The following PLA2G6 variants were observed in gnomAD, a reference collection of about 807,000 sequenced individuals.
PLA2G6 encodes 85/88 kDa calcium-independent phospholipase A2.
In PLA2G6, 62 loss-of-function variants were observed where a neutral mutation model predicts 83.8. That is an observed-to-expected ratio of 0.74 (90% CI 0.60 to 0.91). The LOEUF (loss-of-function observed/expected upper bound fraction) is 0.91. Ranked by LOEUF, PLA2G6 falls within the 40% of genes least tolerant of loss-of-function variation. The probability of loss-of-function intolerance (pLI) is 0.00; values close to 1 mark genes in which losing one functional copy is unlikely to be tolerated. For synonymous variants in PLA2G6, 417 were observed against 449.8 expected, an observed-to-expected ratio of 0.93 and a Z score of 0.92; for missense variants, 944 against 1,102.0, an observed-to-expected ratio of 0.86 and a Z score of 2.03.
Position 38,123,495 on chromosome 22 carries a change from G to T in PLA2G6, c.1428-237C>A, listed in dbSNP as rs145670543. 2.9e-3 allele frequency among the ~76,000 whole-genome samples: 447 copies of T among 152,298 alleles called. 2 individuals carry two copies. The highest frequency in any genetic ancestry group is 3.2e-3 in the Non-Finnish European group (220 of 68,026). ...AGAGAAAGGGAAAGGAAGGTCGGGG[G>T]ATAGCATCACTGACCAGGCGCCATC... On this transcript the variant is annotated intron_variant, in intron 10 of 16. Coordinates refer to ENST00000332509, the MANE Select transcript of PLA2G6 (RefSeq NM_003560.4). This position sits in a 1 kb window ranked among gnomAD's most constrained non-coding sequence, Gnocchi z 4.1.
chr22:38,115,589 TG>T lies in PLA2G6; in HGVS notation c.1971del (p.Asn658ThrfsTer8). The T allele has an allele frequency of 2.5e-6, 4 of 1,613,416 alleles. No individual in the cohort carries two copies. The highest frequency in any genetic ancestry group is 2.2e-5 in the East Asian group (1 of 44,874). On this transcript the variant is annotated frameshift_variant, in exon 14 of 17. Transcript: ENST00000332509. LOFTEE classifies it high-confidence loss of function. ...GTCATGGCATCCAGCGTGGGGTTGT[TG>T]GCCAGCAGCCCACCGTCCAGGAAGC... ...NGRFLDGGLL[A>X]NNPTLDAMTE... is the part of the protein sequence containing the mutation.
rs896090857 is a variant in PLA2G6 at position 38,128,057 on chromosome 22, G to A, written c.1348+212C>T. The A allele has an allele frequency of 1.0e-5, 6 of 594,870 alleles. No homozygotes were observed. Among genetic ancestry groups the A allele is most frequent in the South Asian group, 2.0e-5 (1 of 50,590 alleles). The allele number at this position is 594,870 out of a possible 1,614,324, so 36.8% of individuals were successfully genotyped here. A position where few individuals can be genotyped will look rare whatever the true frequency, so the allele number is the denominator to read the frequency against. On this transcript the variant is annotated intron_variant, in intron 9 of 16. Transcript: ENST00000332509. This position sits in a 1 kb window ranked among gnomAD's most constrained non-coding sequence, Gnocchi z 4.4. ...TGTGTGCAGGACACATCCTCTCAGG[G>A]GCAACGGAGCATGGGACATCAGCCA...
At chr22:38,180,637 G>T (rs980523141) in intron 1 of PLA2G6, among the ~76,000 whole-genome samples, 7 of 152,110 alleles carry the variant, frequency 4.6e-5, no homozygotes, top group African/African-American at 1.7e-4. Flanking sequence ...TCTCATTCTA[G>T]CCCTTTCCCT....
In PLA2G6 at chr22:38,162,275, T is replaced by C. The variant is rs146286156; in HGVS notation, c.209+6943A>G. On this transcript the variant is annotated intron_variant, in intron 2 of 16. Transcript: ENST00000332509. ...CAGTCAGCAAAAAGGTATGTTCCCC[T>C]AGCCATGGTGGAGAACTGAAACCAA... 1.2e-4 allele frequency among the ~76,000 whole-genome samples: 18 copies of C among 147,622 alleles called. No individual in the cohort carries two copies. The East Asian group carries it at 3.6e-3, about 29-fold the overall frequency.
chr22:38,148,469 C>T, intron 2 of PLA2G6: 2 of 715,900 alleles, frequency 2.8e-6, no homozygotes, highest in Non-Finnish European at 5.2e-6. Flanking sequence ...GCACTGGATA[C>T]CTCAAAAGAC....
chr22:38,158,060 G>A (rs1354461547), intron 2 of PLA2G6, among the ~76,000 whole-genome samples: 1 of 151,630 alleles, frequency 6.6e-6, no homozygotes, highest in Non-Finnish European at 1.5e-5. Context: ...AAATAGGAAG[G>A]CTAGTCTGAT....
chr22:38,142,166 G>A (rs2088949512), intron 4 of PLA2G6: 1 of 119,648 alleles, frequency 8.4e-6, no homozygotes, highest in Non-Finnish European at 1.6e-5. Context: ...CTGCACTCTA[G>A]CCTGGGAGAC....
At chr22:38,120,633 C>T (rs2087468903) in intron 12 of PLA2G6, 126 bp downstream of exon 12, 5 of 1,158,336 alleles carry the variant, frequency 4.3e-6, no homozygotes, top group Non-Finnish European at 5.1e-6. Context: ...GAAGGGGGTT[C>T]CCTCTGCTCC....
At chr22:38,113,744 C>G in intron 14 of PLA2G6, 90 bp from the exon 15 acceptor site, 1 of 1,177,940 alleles carries the variant, frequency 8.5e-7, no homozygotes, top group East Asian at 2.3e-5. Flanking sequence ...CAAGACTGGG[C>G]TCTGGGGCAC....
intron 2 of PLA2G6, among the ~76,000 whole-genome samples, chr22:38,168,838 A>C (rs1364687608): frequency 6.6e-6 from 1 of 152,210 alleles, no homozygotes; most frequent in African/African-American, 2.4e-5. Context: ...CAACAGAGCA[A>C]GACTGTCTCA....
At chr22:38,154,160 G>T (rs1474779160) in intron 2 of PLA2G6, among the ~76,000 whole-genome samples, 1 of 152,222 alleles carries the variant, frequency 6.6e-6, no homozygotes, top group South Asian at 2.1e-4. Context: ...TTCCCAGGAT[G>T]GGGGTAGGGG....
chr22:38,123,389 G>T lies in PLA2G6; in HGVS notation c.1428-131C>A. Reference sequence around the variant, plus strand: ...ACCCAGACGGACCCGAGGAACTTCTGTCCTATGCAGGACAGCGAGGGTGGG... The same window carrying T: ...ACCCAGACGGACCCGAGGAACTTCTTTCCTATGCAGGACAGCGAGGGTGGG... On this transcript the variant is annotated intron_variant, in intron 10 of 16. Coordinates refer to ENST00000332509, the MANE Select transcript of PLA2G6 (RefSeq NM_003560.4). This position sits in a 1 kb window ranked among gnomAD's most constrained non-coding sequence, Gnocchi z 4.1. 2.2e-6 allele frequency: 2 copies of T among 918,766 alleles called. No homozygotes were observed. Among genetic ancestry groups the T allele is most frequent in the Non-Finnish European group, 3.4e-6 (2 of 582,802 alleles). 56.9% of individuals were successfully genotyped at this position (918,766 alleles called of 1,614,324 possible).
In PLA2G6 at chr22:38,126,446, AG is replaced by A. The variant is rs587784329; in HGVS notation, c.1351del (p.Leu451TyrfsTer20). The A allele has an allele frequency of 8.7e-6, 14 of 1,612,592 alleles. No individual in the cohort carries two copies. In the Admixed American group the frequency reaches 1.3e-4, roughly 15 times the overall value. Reference protein sequence around the residue: ...PPPISLNNLELQDLMHISRAR... With the variant: ...PPPISLNNLEXQDLMHISRAR... ...CCGTGAGATGTGCATGAGATCCTGTAGTTCTGTGAGGCACAGAGCAGGGCAT... is the reference window on the plus strand; with the variant it reads ...CCGTGAGATGTGCATGAGATCCTGTATTCTGTGAGGCACAGAGCAGGGCAT... On this transcript the variant is annotated frameshift_variant and splice_region_variant, in exon 10 of 17. Coordinates refer to ENST00000332509, the MANE Select transcript of PLA2G6 (RefSeq NM_003560.4). LOFTEE classifies it high-confidence loss of function.
intron 8 of PLA2G6, 96 bp downstream of exon 8, chr22:38,129,358 G>A: frequency 1.1e-6 from 1 of 871,200 alleles, no homozygotes; most frequent in Non-Finnish European, 1.9e-6. Context: ...GTCAGCACAG[G>A]ATGCTGGCAC....
At chr22:38,163,072 G>T (rs73172642) in intron 2 of PLA2G6, among the ~76,000 whole-genome samples, 1 of 152,010 alleles carries the variant, frequency 6.6e-6, no homozygotes, top group Admixed American at 6.6e-5. Flanking sequence ...CTTGAAAGTG[G>T]CTGTGTGAGC....
intron 10 of PLA2G6, among the ~76,000 whole-genome samples, chr22:38,125,196 ATG>A (rs1224709889): frequency 5.9e-5 from 9 of 151,802 alleles, no homozygotes; most frequent in South Asian, 2.1e-4. Flanking sequence ...GCGCATGTGT[ATG>A]TGTGTGCATG....
intron 10 of PLA2G6, among the ~76,000 whole-genome samples, chr22:38,124,998 T>C (rs1201677854): frequency 6.6e-6 from 1 of 152,152 alleles, no homozygotes; most frequent in Admixed American, 6.5e-5. Flanking sequence ...TCAGCCCCGC[T>C]CCAGGCAGGG....
intron 2 of PLA2G6, among the ~76,000 whole-genome samples, chr22:38,151,488 G>A (rs1055999800): frequency 5.3e-5 from 8 of 152,098 alleles, no homozygotes; most frequent in Admixed American, 2.0e-4. Flanking sequence ...CGATCCTCCC[G>A]CCTAGGCTTC....
intron 12 of PLA2G6, among the ~76,000 whole-genome samples, chr22:38,119,202 C>G (rs1480447037): frequency 6.6e-6 from 1 of 152,148 alleles, no homozygotes; most frequent in Admixed American, 6.5e-5. Context: ...GGACTCACCA[C>G]ACAGCGGTAG....
Sources: allele counts gnomAD v4.1 joint callset (sites outside exome capture counted in the v4.1 genomes callset), GRCh38; gene constraint gnomAD v4.1.1; non-coding constraint Gnocchi (gnomAD v3.1); transcripts MANE v1.5; gene names NCBI Gene and HGNC (gene_info 2026-07-23, HGNC 2026-07-21).